The following DPF3 variants were observed in gnomAD, a reference collection of about 807,000 sequenced individuals.
DPF3 encodes zinc finger protein DPF3.
A neutral mutation model predicts 56.8 loss-of-function variants in DPF3; 18 were observed. The observed-to-expected ratio is 0.32, with a 90% CI of 0.22 to 0.47. DPF3 has a LOEUF of 0.47. Among genes scored for constraint, DPF3 ranks in the 20% least tolerant of loss-of-function variants. The probability of loss-of-function intolerance (pLI) is 1.00; values close to 1 mark genes in which losing one functional copy is unlikely to be tolerated. For synonymous variants in DPF3, 188 were observed against 180.2 expected (o/e 1.04, Z -0.35); for missense variants, 403 against 488.8 (o/e 0.82, Z 1.65).
At chr14:72,771,338 G>C (rs1400391839) in intron 2 of DPF3, among the ~76,000 whole-genome samples, 1 of 152,110 alleles carries the variant, frequency 6.6e-6, no homozygotes, top group Non-Finnish European at 1.5e-5. Flanking sequence ...GAACCTGAGG[G>C]ACAGAAGTTT....
chr14:72,838,908 CTT>C (rs376458640), intron 1 of DPF3, among the ~76,000 whole-genome samples: 83 of 78,542 alleles, frequency 1.1e-3, no homozygotes, highest in African/African-American at 5.1e-3. Context: ...CATATATATT[CTT>C]TTTTTTTTTT....
intron 1 of DPF3, among the ~76,000 whole-genome samples, chr14:72,850,344 C>T (rs1358643013): frequency 6.6e-6 from 1 of 152,106 alleles, no homozygotes; most frequent in Non-Finnish European, 1.5e-5. Flanking sequence ...TTCTTCGTCT[C>T]CTACAGGTTT....
intron 1 of DPF3, among the ~76,000 whole-genome samples, chr14:72,863,058 T>TTATATATATATATA (rs58405648): frequency 6.4e-4 from 89 of 139,790 alleles, no homozygotes; most frequent in South Asian, 3.6e-3. Context: ...ATTATTCCAT[T>TTATATATATATATA]TATATATATA....
intron 1 of DPF3, among the ~76,000 whole-genome samples, chr14:72,784,725 A>T (rs1455858732): frequency 6.6e-6 from 1 of 152,100 alleles, no homozygotes; most frequent in African/African-American, 2.4e-5. Context: ...TTGGGAGGCC[A>T]AGGTGGGAAG....
Position 72,661,908 on chromosome 14 carries a change from C to T in DPF3, c.871+12332G>A, listed in dbSNP as rs143156353. 9.3e-4 allele frequency: 881 copies of T among 951,062 alleles called. 5 individuals are homozygous for T. In the African/African-American group the frequency reaches 0.018, roughly 19 times the overall value. 58.9% of individuals were successfully genotyped at this position (951,062 alleles called of 1,614,324 possible). On this transcript the variant is annotated intron_variant, in intron 8 of 10. Transcript: ENST00000556509. ...TATTTTAAACAAAGCTCTCTGTGTT[C>T]GAATCTATTGAACTTGAGGGGATAT...
intron 1 of DPF3, among the ~76,000 whole-genome samples, chr14:72,843,636 G>A (rs185238310): frequency 1.3e-5 from 2 of 152,310 alleles, no homozygotes; most frequent in East Asian, 1.9e-4. Context: ...TCCACCTCCC[G>A]AGTTCAAGTG....
intron 2 of DPF3, among the ~76,000 whole-genome samples, chr14:72,768,267 T>A (rs1387341069): frequency 6.6e-6 from 1 of 152,212 alleles, no homozygotes; most frequent in African/African-American, 2.4e-5. Flanking sequence ...CTCTTACGTT[T>A]TCTAAATTAT....
rs548061264 is a variant in DPF3, at chr14:72,863,935, G to C, written c.32+30122C>G. ...TAGAGACCTGGGGGTCGGGGAAGAA[G>C]TCCTGGCAGAGAAGGTCACAGAAGC... On this transcript the variant is annotated intron_variant, in intron 1 of 10. Transcript: ENST00000556509. Among the ~76,000 whole-genome samples the C allele has an allele frequency of 4.6e-5, 7 of 152,350 alleles. No homozygotes were observed. The South Asian group carries it at 1.4e-3, about 32-fold the overall frequency.
At chr14:72,812,273 G>T (rs1367223692) in intron 1 of DPF3, among the ~76,000 whole-genome samples, 1 of 152,150 alleles carries the variant, frequency 6.6e-6, no homozygotes, top group Non-Finnish European at 1.5e-5. Flanking sequence ...CCACAGGCAG[G>T]GCAGGTTCCT....
chr14:72,836,305 G>A (rs35969473), intron 1 of DPF3: 3 of 985,536 alleles, frequency 3.0e-6, no homozygotes, highest in African/African-American at 3.5e-5. Context: ...CAAACTCCCA[G>A]GGCAACCCTG....
Position 72,651,989 on chromosome 14 carries a change from G to A in DPF3, c.871+22251C>T, listed in dbSNP as rs550399135. Among the ~76,000 whole-genome samples the A allele has an allele frequency of 8.5e-5, 13 of 152,286 alleles. No individual in the cohort carries two copies. The South Asian group carries it at 1.7e-3, about 19-fold the overall frequency. On this transcript the variant is annotated intron_variant, in intron 8 of 10. Transcript: ENST00000556509. ...GATGGGTTCTCCCTGGGGCTGGCAC[G>A]ACTCTGTCACTGCACATGTGCATTT...
At chr14:72,748,023 G>A (rs2077477277) in intron 3 of DPF3, among the ~76,000 whole-genome samples, 1 of 152,224 alleles carries the variant, frequency 6.6e-6, no homozygotes, top group Non-Finnish European at 1.5e-5. Context: ...GGGCATTGCT[G>A]AAAAGATACC....
rs913944873 is a variant in DPF3, at chr14:72,892,719, C to G, written c.32+1338G>C. 9.0e-6 allele frequency: 9 copies of G among 1,004,458 alleles called. No individual in the cohort carries two copies. The African/African-American group carries it at 1.6e-4, about 17-fold the overall frequency. 62.2% of individuals were successfully genotyped at this position (1,004,458 alleles called of 1,614,324 possible). A position where few individuals can be genotyped will look rare whatever the true frequency, so the allele number is the denominator to read the frequency against. ...GGAGAATTCGGCATGAACCGCCCCC[C>G]ACCCGACCTGCACCTCCCTCTGCCA... On this transcript the variant is annotated intron_variant, in intron 1 of 10. Transcript: ENST00000556509.
At chr14:72,623,317 T>TA (rs921226675) in intron 9 of DPF3, among the ~76,000 whole-genome samples, 34 of 151,868 alleles carry the variant, frequency 2.2e-4, no homozygotes, top group Middle Eastern at 3.4e-3. Flanking sequence ...AATATGTCCC[T>TA]AAAAAAAACA....
At chr14:72,678,836 A>C (rs1887029140) in intron 7 of DPF3, among the ~76,000 whole-genome samples, 1 of 152,244 alleles carries the variant, frequency 6.6e-6, no homozygotes, top group Admixed American at 6.5e-5. Context: ...TGCTGAGAAA[A>C]TAAAGTGAGC....
At chr14:72,771,183 C>CAAT (rs1286172249) in intron 2 of DPF3, among the ~76,000 whole-genome samples, 55 of 151,194 alleles carry the variant, frequency 3.6e-4, no homozygotes, top group Middle Eastern at 3.4e-3. Context: ...AAAAAAATAA[C>CAAT]AATAATAATA....
At chr14:72,834,965 A>G (rs1884228193) in intron 1 of DPF3, among the ~76,000 whole-genome samples, 1 of 143,132 alleles carries the variant, frequency 7.0e-6, no homozygotes, top group Admixed American at 7.1e-5. Context: ...CATGTGTTAT[A>G]TGATTTCATC....
chr14:72,717,673 C>T (rs965818795), intron 5 of DPF3, among the ~76,000 whole-genome samples: 3 of 152,204 alleles, frequency 2.0e-5, no homozygotes, highest in African/African-American at 7.2e-5. Flanking sequence ...TTAATTCCTA[C>T]AATAACCCTA....
intron 9 of DPF3, among the ~76,000 whole-genome samples, chr14:72,626,872 G>C (rs1884863489): frequency 1.3e-5 from 2 of 151,342 alleles, no homozygotes; most frequent in Admixed American, 1.3e-4. Flanking sequence ...TTGCCCATCT[G>C]ATAAGTAAGA....
Sources: gnomAD v4.1 joint callset for allele counts (sites outside exome capture counted in the v4.1 genomes callset) on GRCh38, gnomAD v4.1.1 for gene constraint, MANE v1.5 for transcripts, NCBI Gene and HGNC (gene_info 2026-07-23, HGNC 2026-07-21) for gene names.